The following SLC24A2 variants were observed in gnomAD, a reference collection of about 807,000 sequenced individuals.
The protein encoded by SLC24A2 is sodium/potassium/calcium exchanger 2.
Under a neutral mutation model 62.0 loss-of-function variants are expected in SLC24A2, and 36 were observed. The observed-to-expected ratio is 0.58, with a 90% CI of 0.44 to 0.77. The LOEUF (loss-of-function observed/expected upper bound fraction) is 0.77, where lower values mean the gene tolerates loss of function less well. Among genes scored for constraint, SLC24A2 ranks in the 30% least tolerant of loss-of-function variants. The probability of loss-of-function intolerance (pLI) is 0.00; values close to 1 mark genes in which losing one functional copy is unlikely to be tolerated. For missense variants in SLC24A2, 846 were observed against 817.9 expected (o/e 1.03, Z -0.42); for synonymous variants, 358 against 294.0 (o/e 1.22, Z -2.23).
chr9:20,139,818 A>C, the SLC24A2 span, among the ~76,000 whole-genome samples: 1 of 152,226 alleles, frequency 6.6e-6, no homozygotes, highest in Non-Finnish European at 1.5e-5. Flanking sequence ...CCAGAGAACC[A>C]TTAAATTAAA....
chr9:20,158,460 C>A, the SLC24A2 span, among the ~76,000 whole-genome samples: 1 of 151,560 alleles, frequency 6.6e-6, no homozygotes, highest in African/African-American at 2.4e-5. Flanking sequence ...ACGCCTTATG[C>A]CATTTGAGGA....
At chr9:20,082,702 G>A in the SLC24A2 span, among the ~76,000 whole-genome samples, 1 of 152,240 alleles carries the variant, frequency 6.6e-6, no homozygotes, top group East Asian at 1.9e-4. Flanking sequence ...AAGATGCTCT[G>A]TGCTTCCCAC....
chr9:19,917,871 T>C, the SLC24A2 span, among the ~76,000 whole-genome samples: 9 of 152,182 alleles, frequency 5.9e-5, no homozygotes, highest in Non-Finnish European at 1.3e-4. Context: ...TATTTAGAAC[T>C]TTAACAACAG....
intron 2 of SLC24A2, among the ~76,000 whole-genome samples, chr9:19,774,811 TG>T (rs1822797080): frequency 6.6e-6 from 1 of 152,200 alleles, no homozygotes; most frequent in African/African-American, 2.4e-5. Context: ...CCTCTTTAAT[TG>T]GGTTTCTTAA....
chr9:19,906,627 A>G, the SLC24A2 span, among the ~76,000 whole-genome samples: 25 of 152,308 alleles, frequency 1.6e-4, no homozygotes, highest in African/African-American at 5.8e-4. Flanking sequence ...TAGACGCAAT[A>G]AAAAATGATA....
At chr9:20,185,556 T>C in the SLC24A2 span, among the ~76,000 whole-genome samples, 1 of 150,162 alleles carries the variant, frequency 6.7e-6, no homozygotes, top group Non-Finnish European at 1.5e-5. Flanking sequence ...TCCCAGCTAT[T>C]CGGGAGGCTG....
At chr9:19,964,795 T>C in the SLC24A2 span, among the ~76,000 whole-genome samples, 26 of 152,338 alleles carry the variant, frequency 1.7e-4, no homozygotes, top group East Asian at 5.0e-3. Context: ...TTGCTCTACC[T>C]TCCCCTGTGG....
chr9:20,014,517 T>TATAC, the SLC24A2 span, among the ~76,000 whole-genome samples: 2,731 of 148,374 alleles, frequency 0.018, 65 homozygotes, highest in African/African-American at 0.06. Flanking sequence ...TATATATATA[T>TATAC]ACACACACAC....
chr9:19,743,230 A>T (rs1821732122), intron 2 of SLC24A2, among the ~76,000 whole-genome samples: 1 of 152,212 alleles, frequency 6.6e-6, no homozygotes. Flanking sequence ...TGAGTTGGAC[A>T]ACTACAGCTG....
At chr9:19,796,951 T>G in the SLC24A2 span, among the ~76,000 whole-genome samples, 3 of 152,140 alleles carry the variant, frequency 2.0e-5, no homozygotes, top group African/African-American at 7.2e-5. Flanking sequence ...TCTCTTTCCT[T>G]TTTGGAATCT....
chr9:19,570,879 C>T (rs1835817768), intron 7 of SLC24A2, among the ~76,000 whole-genome samples: 1 of 152,156 alleles, frequency 6.6e-6, no homozygotes, highest in Non-Finnish European at 1.5e-5. Flanking sequence ...TCTTGAGGTC[C>T]AGGTCATCTG....
the SLC24A2 span, among the ~76,000 whole-genome samples, chr9:20,225,251 A>G: frequency 2.0e-5 from 3 of 151,716 alleles, no homozygotes; most frequent in Non-Finnish European, 4.4e-5. Flanking sequence ...TCTAGGGAGA[A>G]TCTTTCAAAC....
chr9:19,837,919 G>A, the SLC24A2 span, among the ~76,000 whole-genome samples: 2 of 151,892 alleles, frequency 1.3e-5, no homozygotes, highest in African/African-American at 4.8e-5. Flanking sequence ...AAATAAAAGA[G>A]GTTACAAACA....
chr9:20,030,065 G>A, the SLC24A2 span, among the ~76,000 whole-genome samples: 1 of 152,150 alleles, frequency 6.6e-6, no homozygotes, highest in Non-Finnish European at 1.5e-5. Flanking sequence ...AAGTTTAATA[G>A]GAGCTCTCTG....
At chr9:20,051,657 C>CTCTTTTTTTTTTTTTTTTTTTT in the SLC24A2 span, among the ~76,000 whole-genome samples, 285 of 73,466 alleles carry the variant, frequency 3.9e-3, 16 homozygotes, top group East Asian at 0.01. Flanking sequence ...TTTTCTTTCT[C>CTCTTTTTTTTTTTTTTTTTTTT]TTTTTTTTTT....
chr9:20,004,534 A>G, the SLC24A2 span, among the ~76,000 whole-genome samples: 1 of 152,348 alleles, frequency 6.6e-6, no homozygotes, highest in South Asian at 2.1e-4. Context: ...CTACCTGCCT[A>G]AAGACTCTCA....
chr9:20,164,842 G>A, the SLC24A2 span, among the ~76,000 whole-genome samples: 1 of 151,698 alleles, frequency 6.6e-6, no homozygotes, highest in Non-Finnish European at 1.5e-5. Flanking sequence ...TAGGGACATG[G>A]ATGAAATTGG....
chr9:20,091,456 G>A, the SLC24A2 span, among the ~76,000 whole-genome samples: 2 of 151,830 alleles, frequency 1.3e-5, no homozygotes, highest in African/African-American at 4.8e-5. Context: ...AGAGAGAAAG[G>A]CCAAGTCACC....
At chr9:20,177,314 T>C in the SLC24A2 span, among the ~76,000 whole-genome samples, 1 of 152,174 alleles carries the variant, frequency 6.6e-6, no homozygotes, top group Non-Finnish European at 1.5e-5. Flanking sequence ...AAACCTGTTA[T>C]TACCGTATTT....
Sources: allele counts gnomAD v4.1 joint callset (sites outside exome capture counted in the v4.1 genomes callset), GRCh38; gene constraint gnomAD v4.1.1; transcripts MANE v1.5; gene names NCBI Gene and HGNC (gene_info 2026-07-23, HGNC 2026-07-21).